Variants in SUSD4 observed in about 807,000 individuals in gnomAD.
SUSD4 encodes the protein sushi domain-containing protein 4.
Under a neutral mutation model 50.5 loss-of-function variants are expected in SUSD4, and 41 were observed. The observed-to-expected ratio is 0.81, with a 90% confidence interval of 0.63 to 1.05. The LOEUF (loss-of-function observed/expected upper bound fraction) is 1.05. SUSD4 is among the 50% of genes least tolerant of loss of function. SUSD4 has a pLI of 0.00. For missense variants in SUSD4, 580 were observed against 634.7 expected (o/e 0.91, Z 0.93); for synonymous variants, 257 against 257.3 (o/e 1.00, Z 0.01).
intron 7 of SUSD4, among the ~76,000 whole-genome samples, chr1:223,224,862 C>CTTCTTTTTTTTTTTTTT (rs1239409764): frequency 1.3e-4 from 8 of 59,292 alleles, no homozygotes; most frequent in African/African-American, 5.7e-4. Context: ...TGGTTTCTTC[C>CTTCTTTTTTTTTTTTTT]TTTTTTTTTT....
At chr1:223,309,393 C>A (rs1267086208) in intron 2 of SUSD4, among the ~76,000 whole-genome samples, 1 of 152,062 alleles carries the variant, frequency 6.6e-6, no homozygotes, top group African/African-American at 2.4e-5. Context: ...CTGGGGGAAG[C>A]AGAATGGAGG....
chr1:223,306,824 C>T (rs1026639338), intron 2 of SUSD4, among the ~76,000 whole-genome samples: 1 of 151,556 alleles, frequency 6.6e-6, no homozygotes, highest in Admixed American at 6.6e-5. Context: ...AGATGTGGCT[C>T]TTTTCTAAAG....
At chr1:223,313,174 A>G (rs532165546) in intron 2 of SUSD4, among the ~76,000 whole-genome samples, 1 of 152,334 alleles carries the variant, frequency 6.6e-6, no homozygotes, top group East Asian at 1.9e-4. Context: ...CATGCCAGAA[A>G]GATCAACCAT....
At chr1:223,312,085 G>C (rs571374982) in intron 2 of SUSD4, among the ~76,000 whole-genome samples, 1 of 152,112 alleles carries the variant, frequency 6.6e-6, no homozygotes, top group Admixed American at 6.6e-5. Context: ...CTAATGGTTC[G>C]GTTCATGAAT....
intron 2 of SUSD4, among the ~76,000 whole-genome samples, chr1:223,333,919 A>T (rs925193000): frequency 6.6e-6 from 1 of 152,162 alleles, no homozygotes; most frequent in Admixed American, 6.5e-5. Context: ...AGATGTGGAC[A>T]TTAGGGAACC....
chr1:223,279,713 A>G (rs1663552112), intron 3 of SUSD4, among the ~76,000 whole-genome samples: 1 of 152,200 alleles, frequency 6.6e-6, no homozygotes, highest in South Asian at 2.1e-4. Context: ...GCAGGCCAAC[A>G]TTCAAATTCA....
intron 2 of SUSD4, among the ~76,000 whole-genome samples, chr1:223,356,799 A>T (rs1476323325): frequency 6.6e-6 from 1 of 152,190 alleles, no homozygotes; most frequent in Middle Eastern, 3.2e-3. Flanking sequence ...TTTAACAAAC[A>T]ACAACAAAAA....
At chr1:223,259,695 C>A (rs778094134) in intron 5 of SUSD4, among the ~76,000 whole-genome samples, 2 of 152,292 alleles carry the variant, frequency 1.3e-5, no homozygotes, top group South Asian at 4.1e-4. Context: ...GCTCTCACAG[C>A]CCCAAGCACA....
chr1:223,306,983 C>T (rs1269075611), intron 2 of SUSD4, among the ~76,000 whole-genome samples: 1 of 150,828 alleles, frequency 6.6e-6, no homozygotes, highest in Non-Finnish European at 1.5e-5. Context: ...GTCCCTTCCA[C>T]TTCTAAATTC....
intron 2 of SUSD4, among the ~76,000 whole-genome samples, chr1:223,348,412 C>G (rs1408692564): frequency 1.3e-5 from 2 of 152,202 alleles, no homozygotes; most frequent in Non-Finnish European, 2.9e-5. Context: ...AGCACAGTGC[C>G]TTGCATGTAA....
chr1:223,272,872 T>G (rs956545996), intron 3 of SUSD4, among the ~76,000 whole-genome samples: 1 of 152,042 alleles, frequency 6.6e-6, no homozygotes, highest in Non-Finnish European at 1.5e-5. Context: ...GGATAAAGAG[T>G]CAAGGGCCTT....
intron 5 of SUSD4, chr1:223,263,879 TC>T (rs1444089093): frequency 1.0e-6 from 1 of 985,342 alleles, no homozygotes; most frequent in East Asian, 1.1e-4. Flanking sequence ...TGAGGTTTCT[TC>T]ACTTTTTTCT....
At chr1:223,249,871 A>G (rs1323692669) in intron 5 of SUSD4, among the ~76,000 whole-genome samples, 1 of 152,238 alleles carries the variant, frequency 6.6e-6, no homozygotes, top group Admixed American at 6.5e-5. Context: ...ATGGACAGTG[A>G]AAAGAGAGGA....
intron 2 of SUSD4, among the ~76,000 whole-genome samples, chr1:223,301,635 T>C (rs192668806): frequency 7.9e-5 from 12 of 152,308 alleles, no homozygotes; most frequent in African/African-American, 2.6e-4. Flanking sequence ...TCACCAGCAA[T>C]GCAGGTAAAC....
intron 2 of SUSD4, among the ~76,000 whole-genome samples, chr1:223,311,888 A>G (rs985490100): frequency 6.6e-6 from 1 of 152,208 alleles, no homozygotes; most frequent in African/African-American, 2.4e-5. Context: ...CATTGCTGAG[A>G]GCAGTGTAGA....
chr1:223,285,567 G>A (rs1664083907), intron 3 of SUSD4, among the ~76,000 whole-genome samples: 1 of 152,160 alleles, frequency 6.6e-6, no homozygotes, highest in Non-Finnish European at 1.5e-5. Flanking sequence ...CTTTCCTTGT[G>A]TGTAAATGAT....
intron 2 of SUSD4, among the ~76,000 whole-genome samples, chr1:223,303,492 C>T (rs1665319646): frequency 6.8e-6 from 1 of 147,400 alleles, no homozygotes; most frequent in African/African-American, 2.4e-5. Context: ...AAATTGTGAC[C>T]TTACAGGACA....
rs1662359021 is a variant in SUSD4 at position 223,264,670 on chromosome 1, A to G, written c.684T>C (p.Leu228=). Reference sequence around the variant, plus strand: ...ACCGGGGTGGGCTGGACGACCAGATAAGGTTTTGTAAGCACTCAAGATACG... The same window carrying G: ...ACCGGGGTGGGCTGGACGACCAGATGAGGTTTTGTAAGCACTCAAGATACG... ...GSAYLECLQN[L]IWSSSPPRCL... Residue 228 remains leucine, a synonymous_variant, in exon 5 of 9, where the codon CTT becomes CTC. Coordinates refer to ENST00000366878, the MANE Select transcript of SUSD4 (RefSeq NM_017982.4). 2.5e-6 allele frequency: 4 copies of G among 1,614,210 alleles called. No individual in the cohort carries two copies. Among genetic ancestry groups the G allele is most frequent in the Non-Finnish European group, 3.4e-6 (4 of 1,180,038 alleles).
At chr1:223,317,774 T>A (rs1666290751) in intron 2 of SUSD4, among the ~76,000 whole-genome samples, 1 of 151,076 alleles carries the variant, frequency 6.6e-6, no homozygotes, top group South Asian at 2.1e-4. Flanking sequence ...GCCCATTTGC[T>A]CCAGATTCGC....
Sources: gnomAD v4.1 joint callset for allele counts (sites outside exome capture counted in the v4.1 genomes callset) on GRCh38, gnomAD v4.1.1 for gene constraint, MANE v1.5 for transcripts, NCBI Gene and HGNC (gene_info 2026-07-23, HGNC 2026-07-21) for gene names.